DOP1A: variants seen among roughly 807,000 people sequenced by gnomAD.
DOP1A encodes the protein DOP1 leucine zipper like protein A.
Under a neutral mutation model 267.6 loss-of-function variants are expected in DOP1A, and 90 were observed. That is an observed-to-expected ratio of 0.34 (90% confidence interval 0.28 to 0.40). The LOEUF is 0.40. DOP1A is among the 10% of genes least tolerant of loss of function. The pLI is 1.00. For synonymous variants in DOP1A, 932 were observed against 999.1 expected, an observed-to-expected ratio of 0.93 and a Z score of 1.27; for missense variants, 2,437 against 2,900.4, an observed-to-expected ratio of 0.84 and a Z score of 3.67.
rs953348786 is a variant in DOP1A, at chr6:83,067,721, G to C, written c.-205G>C. Reference sequence around the variant, plus strand: ...AGGCCCTTCGGCTCCCGGTCTCGGTGTAGCTGCCGTGGTTGCCAGGAGAGC... The same window carrying C: ...AGGCCCTTCGGCTCCCGGTCTCGGTCTAGCTGCCGTGGTTGCCAGGAGAGC... On this transcript the variant is annotated 5_prime_UTR_variant, in exon 1 of 39. Coordinates refer to ENST00000349129, the MANE Select transcript of DOP1A (RefSeq NM_015018.4). 5 of 152,224 alleles carry C rather than the reference G, an allele frequency of 3.3e-5. No homozygotes were observed. The highest frequency in any genetic ancestry group is 3.3e-4 in the Admixed American group (5 of 15,282). The allele number at this position is 152,224 out of a possible 1,614,324, so 9.4% of individuals were successfully genotyped here. A position where few individuals can be genotyped will look rare whatever the true frequency, so the allele number is the denominator to read the frequency against.
At chr6:83,142,250 C>A (rs894162313) in intron 24 of DOP1A, among the ~76,000 whole-genome samples, 5 of 152,090 alleles carry the variant, frequency 3.3e-5, no homozygotes, top group African/African-American at 1.2e-4. Context: ...TGGCTCACAC[C>A]TGTAATCCCA....
chr6:83,138,773 G>T lies in DOP1A; in HGVS notation c.4731G>T (p.Thr1577=). The T allele has an allele frequency of 1.2e-6, 2 of 1,614,018 alleles. No homozygotes were observed. The highest frequency in any genetic ancestry group is 1.7e-6 in the Non-Finnish European group (2 of 1,179,930). ...FSEDEFDNGS[T]LQSQLLKVLQ... ...AGGATGAATTTGACAATGGCAGCAC[G>T]TTGCAGTCACAACTTCTTAAGGTGC... Residue 1577 remains threonine (T), a synonymous_variant, in exon 21 of 39, where the codon ACG becomes ACT. Coordinates refer to ENST00000349129, the MANE Select transcript of DOP1A (RefSeq NM_015018.4).
rs368046214 is a variant in DOP1A, at chr6:83,163,897, ATT to A, written c.7092+979_7092+980del. Among the ~76,000 whole-genome samples the A allele has an allele frequency of 9.8e-4, 149 of 152,082 alleles. 1 individual carries two copies. The highest frequency in any genetic ancestry group is 3.2e-3 in the African/African-American group (134 of 41,492). On this transcript the variant is annotated intron_variant, in intron 38 of 38. Coordinates refer to ENST00000349129, the MANE Select transcript of DOP1A (RefSeq NM_015018.4). ...TGTAGGAAAATAAAATTTGTAAAAT[ATT>A]GTCTTATATACTTTTTATCTTTCAG...
Position 83,125,073 on chromosome 6 carries a change from T to A in DOP1A, c.1456-93T>A, listed in dbSNP as rs1164191296. On this transcript the variant is annotated intron_variant, in intron 13 of 38. Transcript: ENST00000349129. ...TAGTGTATAGTGGTCTAATGCTGCA[T>A]TTATATTAATATTATTTCTATTAAA... 3.4e-6 allele frequency: 4 copies of A among 1,189,346 alleles called. No individual in the cohort carries two copies. The African/African-American group carries it at 6.3e-5, about 19-fold the overall frequency. The allele number at this position is 1,189,346 out of a possible 1,614,324, so 73.7% of individuals were successfully genotyped here.
In DOP1A at chr6:83,129,201, G is replaced by A. The variant is rs1343964917; in HGVS notation, c.2034G>A (p.Leu678=). The A allele has an allele frequency of 4.3e-6, 7 of 1,613,214 alleles. No individual in the cohort carries two copies. The highest frequency in any genetic ancestry group is 5.1e-6 in the Non-Finnish European group (6 of 1,179,620). The part of the protein sequence containing the change: ...TAQKTAMQCC[L]EYVQQFLTRL... ...AAAAGACTGCAATGCAGTGCTGCTT[G>A]GAGTATGTCCAACAGTTTCTTACCA... is the stretch of plus-strand genomic sequence containing the variant. The change falls in exon 16 of 39, where the codon TTG becomes TTA. Residue 678 remains leucine, a synonymous_variant. Coordinates refer to ENST00000349129, the MANE Select transcript of DOP1A (RefSeq NM_015018.4).
chr6:83,137,624 T>A lies in DOP1A; in HGVS notation c.3582T>A (p.Ile1194=). ...CSDIDPDEET[I]KIEDDSIQQS... ...ATATAGATCCAGATGAAGAGACGAT[T>A]AAAATTGAAGATGACTCCATTCAAC... Residue 1194 remains isoleucine (I), a synonymous_variant, in exon 21 of 39, where the codon ATT becomes ATA. Transcript: ENST00000349129. 6.2e-7 allele frequency: 1 copy of A among 1,613,826 alleles called. No individual in the cohort carries two copies. Among genetic ancestry groups the A allele is most frequent in the Non-Finnish European group, 8.5e-7 (1 of 1,179,840 alleles).
intron 7 of DOP1A, among the ~76,000 whole-genome samples, chr6:83,113,911 CTTAAT>C (rs1345411883): frequency 3.9e-5 from 6 of 152,234 alleles, no homozygotes; most frequent in South Asian, 2.1e-4. Context: ...ATTCCTAGAA[CTTAAT>C]TTAATCAGTG....
rs201702329 is a variant in DOP1A, at chr6:83,119,730, T to A, written c.881-18T>A. On this transcript the variant is annotated intron_variant, in intron 8 of 38. Transcript: ENST00000349129. ...GAGAATTCCATTTTAAGTAATTTTGTGATTTGTTTCCATGGAGGTTTTGAT... is the reference window on the plus strand; with the variant it reads ...GAGAATTCCATTTTAAGTAATTTTGAGATTTGTTTCCATGGAGGTTTTGAT... The A allele has an allele frequency of 2.4e-5, 39 of 1,596,368 alleles. No individual in the cohort carries two copies. In the East Asian group the frequency reaches 8.7e-4, roughly 36 times the overall value.
In DOP1A at chr6:83,148,742, A is replaced by G. The variant is rs1005029740; in HGVS notation, c.5733-17A>G. On this transcript the variant is annotated splice_polypyrimidine_tract_variant and intron_variant, in intron 26 of 38. Transcript: ENST00000349129. ...ATAGTTTATTGTGGCTTTTGTATAA[A>G]CTATATTATCTTGCAGAATTCCAGT... The G allele has an allele frequency of 6.7e-7, 1 of 1,498,674 alleles. No individual in the cohort carries two copies. Among genetic ancestry groups the G allele is most frequent in the Non-Finnish European group, 8.9e-7 (1 of 1,120,278 alleles). The allele number at this position is 1,498,674 out of a possible 1,614,324, so 92.8% of individuals were successfully genotyped here.
chr6:83,119,348 C>G (rs150778789), intron 8 of DOP1A, among the ~76,000 whole-genome samples: 1 of 152,096 alleles, frequency 6.6e-6, no homozygotes, highest in Non-Finnish European at 1.5e-5. Flanking sequence ...GTACCATTGT[C>G]TTACACATCA....
At chr6:83,122,356 A>G (rs1445624359) in intron 11 of DOP1A, among the ~76,000 whole-genome samples, 1 of 151,898 alleles carries the variant, frequency 6.6e-6, no homozygotes, top group Non-Finnish European at 1.5e-5. Context: ...AATAGTGGCT[A>G]TTAACAGCAC....
intron 1 of DOP1A, among the ~76,000 whole-genome samples, chr6:83,082,015 AAGAC>A (rs1768167245): frequency 6.6e-6 from 1 of 152,230 alleles, no homozygotes; most frequent in African/African-American, 2.4e-5. Flanking sequence ...TGTTATCAAA[AAGAC>A]AAAAGGTAAG....
chr6:83,084,669 A>G (rs939106707), intron 1 of DOP1A, among the ~76,000 whole-genome samples: 6 of 151,472 alleles, frequency 4.0e-5, no homozygotes, highest in African/African-American at 2.4e-5. Context: ...TGCAGCCTCT[A>G]CCTCCTGGGT....
At chr6:83,125,075 TATATTA>T (rs1351501276) in intron 13 of DOP1A, 85 bp from the exon 14 acceptor site, 12 of 1,198,246 alleles carry the variant, frequency 1.0e-5, no homozygotes, top group Non-Finnish European at 1.4e-5. Context: ...ATGCTGCATT[TATATTA>T]ATATTATTTC....
At chr6:83,099,923 T>C (rs1772258869) in intron 3 of DOP1A, among the ~76,000 whole-genome samples, 1 of 152,160 alleles carries the variant, frequency 6.6e-6, no homozygotes, top group Non-Finnish European at 1.5e-5. Context: ...ATTCCAGTTC[T>C]AACATAGTCT....
rs73749723 is a variant in DOP1A at position 83,162,734 on chromosome 6, T to C, written c.6963-56T>C. On this transcript the variant is annotated intron_variant, in intron 37 of 38. Transcript: ENST00000349129. ...CTTTCTACTACATTATGTGGCCTAA[T>C]CTTAGATGGCACAAAGTCTGTCTTA... 8.3e-4 allele frequency: 1,278 copies of C among 1,545,194 alleles called. 12 individuals carry two copies. In the African/African-American group the frequency reaches 0.016, roughly 19 times the overall value.
chr6:83,078,533 C>G (rs146533301), intron 1 of DOP1A, among the ~76,000 whole-genome samples: 23 of 152,210 alleles, frequency 1.5e-4, no homozygotes, highest in Non-Finnish European at 2.9e-4. Flanking sequence ...TTAAACTGCT[C>G]CAAATGAAAT....
chr6:83,151,494 A>T, intron 27 of DOP1A, 99 bp from the exon 28 acceptor site: 1 of 806,900 alleles, frequency 1.2e-6, no homozygotes, highest in South Asian at 2.1e-5. Context: ...AATGGAAATC[A>T]AGACCATTAA....
intron 27 of DOP1A, among the ~76,000 whole-genome samples, chr6:83,149,258 T>G (rs1781138527): frequency 6.6e-6 from 1 of 152,196 alleles, no homozygotes; most frequent in African/African-American, 2.4e-5. Flanking sequence ...TCTTTGTGTC[T>G]TGAAGTTTTC....
Sources: allele counts gnomAD v4.1 joint callset (sites outside exome capture counted in the v4.1 genomes callset), GRCh38; gene constraint gnomAD v4.1.1; transcripts MANE v1.5; gene names NCBI Gene and HGNC (gene_info 2026-07-23, HGNC 2026-07-21).